Variants in PTPRN2 observed in about 807,000 individuals in gnomAD.
PTPRN2 encodes the protein protein tyrosine phosphatase receptor type N2.
A neutral mutation model predicts 118.8 loss-of-function variants in PTPRN2; 74 were observed. That is an observed-to-expected ratio of 0.62 (90% CI 0.52 to 0.76). PTPRN2 has a LOEUF of 0.76. Ranked by LOEUF, PTPRN2 falls within the 30% of genes least tolerant of loss-of-function variation. The pLI is 0.00. For missense variants in PTPRN2, 1,481 were observed against 1,394.4 expected (o/e 1.06, Z -0.99); for synonymous variants, 641 against 608.0 (o/e 1.05, Z -0.80).
Position 157,550,555 on chromosome 7 carries a change from A to G in PTPRN2, c.2903-1536T>C, listed in dbSNP as rs1012262018. Among the ~76,000 whole-genome samples the G allele has an allele frequency of 6.6e-6, 1 of 152,186 alleles. No homozygotes were observed. Among genetic ancestry groups the G allele is most frequent in the Non-Finnish European group, 1.5e-5 (1 of 68,026 alleles). On this transcript the variant is annotated intron_variant, in intron 21 of 22. Coordinates refer to ENST00000389418, the MANE Select transcript of PTPRN2 (RefSeq NM_002847.5). The surrounding 1 kb of genome is among the most constrained non-coding windows in gnomAD (Gnocchi z 5.2). ...TGGCTGGTGGGTCTCCCCACCTTTGAGCACAGAAGATGGAGACACTGGCAT... is the reference window on the plus strand; with the variant it reads ...TGGCTGGTGGGTCTCCCCACCTTTGGGCACAGAAGATGGAGACACTGGCAT...
chr7:157,557,243 A>T (rs1798945347), intron 21 of PTPRN2, among the ~76,000 whole-genome samples: 1 of 151,580 alleles, frequency 6.6e-6, no homozygotes, highest in South Asian at 2.1e-4. Flanking sequence ...ACACACACAC[A>T]GGCATGCACA....
At chr7:157,871,480 C>T (rs1011777009) in intron 12 of PTPRN2, among the ~76,000 whole-genome samples, 1 of 152,052 alleles carries the variant, frequency 6.6e-6, no homozygotes, top group Non-Finnish European at 1.5e-5. Context: ...CTCAAGGTCG[C>T]GTTCATCGGC....
chr7:157,862,522 T>C (rs1810314675), intron 12 of PTPRN2: 1 of 152,290 alleles, frequency 6.6e-6, no homozygotes. Flanking sequence ...CTTTTTAACA[T>C]TGATATTCAT....
chr7:157,756,546 G>C (rs1366080824), intron 12 of PTPRN2, among the ~76,000 whole-genome samples: 1 of 152,168 alleles, frequency 6.6e-6, no homozygotes, highest in East Asian at 1.9e-4. Flanking sequence ...AAAGTGCTGG[G>C]ATTACAGGTG....
At chr7:158,506,040 G>A (rs1332857472) in intron 1 of PTPRN2, among the ~76,000 whole-genome samples, 1 of 152,256 alleles carries the variant, frequency 6.6e-6, no homozygotes, top group African/African-American at 2.4e-5. Flanking sequence ...AGGGTGAGGA[G>A]GGCAAAGAGC....
chr7:158,126,115 C>T (rs1326429910), intron 9 of PTPRN2, among the ~76,000 whole-genome samples: 2 of 106,904 alleles, frequency 1.9e-5, no homozygotes, highest in South Asian at 4.0e-4. Context: ...CAGCGGGCGG[C>T]GGAACTTCCT....
At chr7:157,957,675 G>A (rs543451584) in intron 11 of PTPRN2, among the ~76,000 whole-genome samples, 2 of 151,990 alleles carry the variant, frequency 1.3e-5, no homozygotes, top group Non-Finnish European at 2.9e-5. Flanking sequence ...CTAGAAATAC[G>A]CAACCTACTG....
At chr7:157,872,270 C>T (rs1446252962) in intron 12 of PTPRN2, among the ~76,000 whole-genome samples, 1 of 148,186 alleles carries the variant, frequency 6.7e-6, no homozygotes, top group Non-Finnish European at 1.5e-5. Context: ...GTCCTCCCCA[C>T]ACACACATAC....
rs545406178 is a variant in PTPRN2 at position 158,310,841 on chromosome 7, G to A, written c.277+5978C>T. Among the ~76,000 whole-genome samples the A allele has an allele frequency of 4.8e-3, 231 of 48,056 alleles. 12 individuals carry two copies. The highest frequency in any genetic ancestry group is 0.014 in the African/African-American group (214 of 15,344). 31.5% of individuals were successfully genotyped at this position (48,056 alleles called of 152,430 possible). On this transcript the variant is annotated intron_variant, in intron 3 of 22. Coordinates refer to ENST00000389418, the MANE Select transcript of PTPRN2 (RefSeq NM_002847.5). ...GGGCGAGCCCTGAGCCGGACAGAGC[G>A]CAAATCCCACGGAGGGCGAGCCCTG...
intron 11 of PTPRN2, among the ~76,000 whole-genome samples, chr7:158,005,981 C>A (rs1404891409): frequency 2.0e-5 from 3 of 152,214 alleles, no homozygotes; most frequent in Non-Finnish European, 2.9e-5. Context: ...ATCTGAATTT[C>A]TTTGGAATGC....
chr7:158,122,431 AG>A (rs750044126), intron 9 of PTPRN2, among the ~76,000 whole-genome samples: 17 of 152,218 alleles, frequency 1.1e-4, no homozygotes, highest in Non-Finnish European at 1.9e-4. Flanking sequence ...GCCCCGGCAC[AG>A]TGCTGGGTCT....
intron 9 of PTPRN2, among the ~76,000 whole-genome samples, chr7:158,127,958 G>C (rs79809816): frequency 0.017 from 2,513 of 152,280 alleles, 57 homozygotes; most frequent in African/African-American, 0.05. Flanking sequence ...AAGGATTACT[G>C]TGTCCATCAG....
intron 13 of PTPRN2, among the ~76,000 whole-genome samples, chr7:157,672,164 C>G (rs1044046609): frequency 5.9e-5 from 9 of 152,076 alleles, no homozygotes; most frequent in African/African-American, 1.9e-4. Flanking sequence ...TGTCTGAAAA[C>G]CCCCCCTGGA....
rs963998332 is a variant in PTPRN2 at position 157,868,646 on chromosome 7, G to A, written c.1788+30027C>T. 3 of 152,176 alleles carry A rather than the reference G, an allele frequency of 2.0e-5. No homozygotes were observed. Among genetic ancestry groups the A allele is most frequent in the South Asian group, 2.1e-4 (1 of 4,810 alleles). 9.4% of individuals were successfully genotyped at this position (152,176 alleles called of 1,614,324 possible). A position where few individuals can be genotyped will look rare whatever the true frequency, so the allele number is the denominator to read the frequency against. On this transcript the variant is annotated intron_variant, in intron 12 of 22. Coordinates refer to ENST00000389418, the MANE Select transcript of PTPRN2 (RefSeq NM_002847.5). The surrounding 1 kb of genome is among the most constrained non-coding windows in gnomAD (Gnocchi z 5.2). ...GCCGGGGAAATAACTCTGAGCCCTC[G>A]AGATGAGGGGCTATGCCTTCCCTTG...
rs199836025 is a variant in PTPRN2 at position 158,087,828 on chromosome 7, A to G, written c.1644-6451T>C. ...CCCTTCCTCCCCTGATGAAAGAGGG[A>G]GTCTTCACACAAACCTTCTTCCCCT... On this transcript the variant is annotated intron_variant, in intron 10 of 22. Coordinates refer to ENST00000389418, the MANE Select transcript of PTPRN2 (RefSeq NM_002847.5). 2.9e-4 allele frequency among the ~76,000 whole-genome samples: 26 copies of G among 88,462 alleles called. No individual in the cohort carries two copies. In the East Asian group the frequency reaches 3.8e-3, roughly 13 times the overall value. The allele number at this position is 88,462 out of a possible 152,430, so 58.0% of individuals were successfully genotyped here.
At chr7:157,863,395 C>G (rs780150917) in intron 12 of PTPRN2, 1 of 152,206 alleles carries the variant, frequency 6.6e-6, no homozygotes, top group Non-Finnish European at 1.5e-5. Context: ...CTTGCCTGGG[C>G]GGCGACGCGT....
In PTPRN2 at chr7:158,113,650, C is replaced by T. The variant is rs184356260; in HGVS notation, c.1557-2735G>A. ...CTAGTCTAGCCTCAGAGCGCAGCTG[C>T]ACTAGCTGGAGAGAGAGGGTAGTTC... is the stretch of plus-strand genomic sequence containing the variant. On this transcript the variant is annotated intron_variant, in intron 9 of 22. Transcript: ENST00000389418. 5.3e-5 allele frequency among the ~76,000 whole-genome samples: 8 copies of T among 152,298 alleles called. No homozygotes were observed. In the East Asian group the frequency reaches 1.5e-3, roughly 29 times the overall value.
chr7:158,484,268 C>T (rs1820841890), intron 2 of PTPRN2, among the ~76,000 whole-genome samples: 1 of 152,178 alleles, frequency 6.6e-6, no homozygotes, highest in Non-Finnish European at 1.5e-5. Context: ...GCCATCACTT[C>T]CCATGCCCCC....
chr7:158,028,173 C>T (rs1364976988), intron 11 of PTPRN2: 1 of 152,266 alleles, frequency 6.6e-6, no homozygotes, highest in African/African-American at 2.4e-5. Context: ...TCCTCTCCAG[C>T]TCAGACCAAA....
Sources: allele counts gnomAD v4.1 joint callset (sites outside exome capture counted in the v4.1 genomes callset), GRCh38; gene constraint gnomAD v4.1.1; non-coding constraint Gnocchi (gnomAD v3.1); transcripts MANE v1.5; gene names NCBI Gene and HGNC (gene_info 2026-07-23, HGNC 2026-07-21).